Variants in STRN4 observed in about 807,000 individuals in gnomAD.
The protein encoded by STRN4 is striatin-4.
In STRN4, 27 loss-of-function variants were observed where a neutral mutation model predicts 77.9. The ratio of observed to expected loss-of-function variants is 0.35; its 90% CI spans 0.26 to 0.48. The LOEUF (loss-of-function observed/expected upper bound fraction) is 0.48. Ranked by LOEUF, STRN4 falls within the 20% of genes least tolerant of loss-of-function variation. The probability of loss-of-function intolerance (pLI) is 0.99; values close to 1 mark genes in which losing one functional copy is unlikely to be tolerated. For synonymous variants in STRN4, 466 were observed against 443.1 expected (o/e 1.05, Z -0.65); for missense variants, 798 against 1,049.7 (o/e 0.76, Z 3.31).
chr19:46,724,829 G>A lies in STRN4; in HGVS notation c.1572C>T (p.Ser524=). 1 of 1,613,964 alleles carries A rather than the reference G, an allele frequency of 6.2e-7. No homozygotes were observed. The highest frequency in any genetic ancestry group is 2.2e-5 in the East Asian group (1 of 44,878). Residue 524 remains serine (S), a synonymous_variant, in exon 12 of 18, where the codon AGC becomes AGT. Transcript: ENST00000263280. ...CACCGTAGCCATCATAGGGATCCATGCTGAGGTCTGGAATCTTCCAACTAT... is the reference window on the plus strand; with the variant it reads ...CACCGTAGCCATCATAGGGATCCATACTGAGGTCTGGAATCTTCCAACTAT... ...CIHSWKIPDL[S]MDPYDGYDPS...
intron 14 of STRN4, among the ~76,000 whole-genome samples, 177 bp downstream of exon 14, chr19:46,722,633 G>A (rs1000900077): frequency 6.6e-6 from 1 of 152,220 alleles, no homozygotes; most frequent in Admixed American, 6.5e-5. Flanking sequence ...CCCCGCCAGT[G>A]CCCTGGCTGT....
At chr19:46,746,111 G>C in intron 1 of STRN4, 38 bp downstream of exon 1, 1 of 1,454,134 alleles carries the variant, frequency 6.9e-7, no homozygotes, top group Non-Finnish European at 9.0e-7. Flanking sequence ...GCCGGGCCGG[G>C]CCGGGTTGGG....
intron 1 of STRN4, chr19:46,740,347 C>T (rs1281360676): frequency 4.6e-5 from 7 of 152,032 alleles, no homozygotes; most frequent in Non-Finnish European, 1.0e-4. Context: ...CTCATCTGTC[C>T]GCTTCAAGAA....
At chr19:46,732,254 C>T (rs1295656496) in intron 5 of STRN4, 1 of 152,700 alleles carries the variant, frequency 6.5e-6, no homozygotes, top group Non-Finnish European at 1.5e-5. Flanking sequence ...CCTCCCACAC[C>T]TCTCCTTCTC....
chr19:46,726,232 T>A (rs999955725), intron 9 of STRN4: 1 of 153,024 alleles, frequency 6.5e-6, no homozygotes, highest in Non-Finnish European at 1.5e-5. Context: ...CCCGGAGGAA[T>A]GCGCATTTCA....
At chr19:46,744,835 C>T (rs886960299) in intron 1 of STRN4, among the ~76,000 whole-genome samples, 2 of 151,990 alleles carry the variant, frequency 1.3e-5, no homozygotes, top group Admixed American at 1.3e-4. Flanking sequence ...CTTCAGACTT[C>T]CAGCGGGCCA....
rs750526545 is a variant in STRN4 at position 46,736,810 on chromosome 19, C to T, written c.539+13G>A. The T allele has an allele frequency of 1.8e-5, 29 of 1,611,974 alleles. No homozygotes were observed. The highest frequency in any genetic ancestry group is 2.3e-5 in the Non-Finnish European group (27 of 1,178,962). ...GTCACGTGTCCCCAGCCCCCCTCCC[C>T]GAGCACACTCACTGTCGGAGAAGCT... On this transcript the variant is annotated intron_variant, in intron 4 of 17. Coordinates refer to ENST00000263280, the MANE Select transcript of STRN4 (RefSeq NM_013403.3).
intron 16 of STRN4, chr19:46,721,762 G>A (rs1046437516): frequency 1.7e-5 from 9 of 531,144 alleles, no homozygotes; most frequent in South Asian, 8.6e-5. Context: ...AGTACCAACC[G>A]CACAGGCTGC....
chr19:46,745,134 G>C (rs1028968413), intron 1 of STRN4, among the ~76,000 whole-genome samples: 1 of 145,588 alleles, frequency 6.9e-6, no homozygotes, highest in African/African-American at 2.6e-5. Context: ...CCCCTAACTC[G>C]TCCTCATTGG....
rs373884790 is a variant in STRN4, at chr19:46,730,869, C to A, written c.742G>T (p.Ala248Ser). Residue 248 changes from alanine (A) to serine (S), a missense_variant, in exon 6 of 18, where the codon GCG (alanine) becomes TCG (serine). Transcript: ENST00000263280. ...CGCTCTTTGCCATCTTTGCCTGCCG[C>A]GTTCCTGCCAAAGACAGCAGAGCAG... is the stretch of plus-strand genomic sequence containing the variant. The part of the protein sequence containing the change: ...KQIEEQIKRN[A>S]AGKDGKERLG... 1.2e-6 allele frequency: 2 copies of A among 1,610,720 alleles called. No individual in the cohort carries two copies. Among genetic ancestry groups the A allele is most frequent in the Non-Finnish European group, 1.7e-6 (2 of 1,179,966 alleles).
intron 4 of STRN4, among the ~76,000 whole-genome samples, chr19:46,734,733 C>T (rs982078801): frequency 1.3e-5 from 2 of 152,164 alleles, no homozygotes; most frequent in African/African-American, 2.4e-5. Flanking sequence ...GGCACGATCT[C>T]GGCTCACTGC....
At position 46,722,264 on chromosome 19, in the gene STRN4, G is replaced by A. The variant is rs2053996652; in HGVS notation, c.1983C>T (p.Ile661=). The A allele has an allele frequency of 4.3e-6, 7 of 1,614,102 alleles. No individual in the cohort carries two copies. The highest frequency in any genetic ancestry group is 5.1e-6 in the Non-Finnish European group (6 of 1,180,040). Residue 661 remains isoleucine, a synonymous_variant, in exon 15 of 18, where the codon ATC becomes ATT. Coordinates refer to ENST00000263280, the MANE Select transcript of STRN4 (RefSeq NM_013403.3). ...CACCTGTCCGATTGTCCAGGAAGCG[G>A]ATGCCCCTGTCGTCGTGGGCGGTGA... ...LTITAHDDRG[I]RFLDNRTGKP...
chr19:46,728,914 C>A lies in STRN4; in HGVS notation c.880-137G>T. ...GGCTGCCTCAGCCGCCAGCCAGCTG[C>A]CCTGGAGCGCCCCCTGCTGGGCCTT... On this transcript the variant is annotated intron_variant, in intron 6 of 17. Coordinates refer to ENST00000263280, the MANE Select transcript of STRN4 (RefSeq NM_013403.3). The A allele has an allele frequency of 4.7e-6, 6 of 1,284,800 alleles. No individual in the cohort carries two copies. The South Asian group carries it at 8.7e-5, about 19-fold the overall frequency. 79.6% of individuals were successfully genotyped at this position (1,284,800 alleles called of 1,614,324 possible). A position where few individuals can be genotyped will look rare whatever the true frequency, so the allele number is the denominator to read the frequency against.
intron 5 of STRN4, 122 bp downstream of exon 5, chr19:46,732,917 C>T (rs893084867): frequency 1.7e-5 from 20 of 1,185,970 alleles, no homozygotes; most frequent in African/African-American, 6.2e-5. Flanking sequence ...AGGGAGCCCA[C>T]GGCATACTCC....
chr19:46,729,478 C>T (rs1004894108), intron 6 of STRN4, among the ~76,000 whole-genome samples: 1 of 152,168 alleles, frequency 6.6e-6, no homozygotes, highest in African/African-American at 2.4e-5. Context: ...GGGCCAGCCT[C>T]TGACCTGCAT....
chr19:46,722,191 C>A (rs2053993912), intron 15 of STRN4, 51 bp downstream of exon 15: 1 of 1,600,754 alleles, frequency 6.2e-7, no homozygotes, highest in African/African-American at 1.3e-5. Context: ...ATCTCTGCTG[C>A]CTGCCTCTGG....
chr19:46,743,082 T>C (rs945446254), intron 1 of STRN4, among the ~76,000 whole-genome samples: 6 of 152,206 alleles, frequency 3.9e-5, no homozygotes, highest in Non-Finnish European at 7.3e-5. Flanking sequence ...TCTGTGCTGA[T>C]ATGAAAGGAA....
intron 15 of STRN4, 60 bp downstream of exon 15, chr19:46,722,182 T>A (rs2053993707): frequency 1.9e-6 from 3 of 1,595,160 alleles, no homozygotes; most frequent in Admixed American, 3.4e-5. Context: ...GACGCAAGCA[T>A]CTCTGCTGCC....
In STRN4 at chr19:46,721,730, A is replaced by C. The variant is rs574937292; in HGVS notation, c.2092+256T>G. The C allele has an allele frequency of 2.7e-4, 126 of 468,668 alleles. 1 individual carries two copies. Among genetic ancestry groups the C allele is most frequent in the African/African-American group, 2.3e-3 (120 of 51,120 alleles). The allele number at this position is 468,668 out of a possible 1,614,324, so 29.0% of individuals were successfully genotyped here. On this transcript the variant is annotated intron_variant, in intron 16 of 17. Coordinates refer to ENST00000263280, the MANE Select transcript of STRN4 (RefSeq NM_013403.3). ...ACAAAGCGTCTGGGCATCAGGGCCC[A>C]CATCTGTAAACTGGGGATCAAAGTA...
Sources: gnomAD v4.1 joint callset for allele counts (sites outside exome capture counted in the v4.1 genomes callset) on GRCh38, gnomAD v4.1.1 for gene constraint, MANE v1.5 for transcripts, NCBI Gene and HGNC (gene_info 2026-07-23, HGNC 2026-07-21) for gene names.